Variants in SNAI1 observed in about 807,000 individuals in gnomAD.
SNAI1 encodes the protein snail family transcriptional repressor 1, also known as zinc finger protein SNAI1.
Under a neutral mutation model 24.7 loss-of-function variants are expected in SNAI1, and 15 were observed. The observed-to-expected ratio is 0.61, with a 90% CI of 0.41 to 0.93. SNAI1 has a LOEUF of 0.93. SNAI1 is among the 40% of genes least tolerant of loss of function. SNAI1 has a pLI of 0.00. For synonymous variants in SNAI1, 163 were observed against 142.9 expected (o/e 1.14, Z -1.00); for missense variants, 283 against 336.7 (o/e 0.84, Z 1.25).
Position 49,984,116 on chromosome 20 carries a change from C to T in SNAI1, c.375C>T (p.Ala125=). 1 of 1,614,234 alleles carries T rather than the reference C, an allele frequency of 6.2e-7. No homozygotes were observed. The highest frequency in any genetic ancestry group is 8.5e-7 in the Non-Finnish European group (1 of 1,180,038). The change falls in exon 2 of 3, where the codon GCC becomes GCT. Residue 125 remains alanine, a synonymous_variant. Transcript: ENST00000244050. ...STSVSSLEAE[A]YAAFPGLGQV... is the part of the protein sequence containing the mutation. ...CAGTCTCTTCCTTGGAGGCCGAGGC[C>T]TATGCTGCCTTCCCAGGCTTGGGCC...
At position 49,984,004 on chromosome 20, in the gene SNAI1, T is replaced by C. The variant is rs749239193; in HGVS notation, c.263T>C (p.Leu88Pro). Residue 88 changes from leucine to proline, a missense_variant, in exon 2 of 3, where the codon CTG becomes CCG. Transcript: ENST00000244050. ...CAGGAGAGTCCCAGGGTGGCAGAGC[T>C]GACCTCCCTGTCAGATGAGGACAGT... ...RLQESPRVAE[L>P]TSLSDEDSGK... 7.4e-6 allele frequency: 12 copies of C among 1,613,548 alleles called. No individual in the cohort carries two copies. The East Asian group carries it at 2.7e-4, about 36-fold the overall frequency.
chr20:49,987,715 G>C (rs1021077937), intron 2 of SNAI1, among the ~76,000 whole-genome samples, 157 bp from the exon 3 acceptor site: 1 of 152,146 alleles, frequency 6.6e-6, no homozygotes, highest in Non-Finnish European at 1.5e-5. Context: ...GCTCCGTCAG[G>C]TCCCGGCCTT....
At position 49,988,459 on chromosome 20, in the gene SNAI1, A is replaced by C; in HGVS notation, c.*403A>C. On this transcript the variant is annotated 3_prime_UTR_variant, in exon 3 of 3. Coordinates refer to ENST00000244050, the MANE Select transcript of SNAI1 (RefSeq NM_005985.4). ...CTCCCCTCACACACACCCCCCCACA[A>C]GGAACCCTCAGGCCACCCTCCACGA... 6.1e-6 allele frequency: 1 copy of C among 164,748 alleles called. No individual in the cohort carries two copies. The allele number at this position is 164,748 out of a possible 1,614,324, so 10.2% of individuals were successfully genotyped here.
chr20:49,987,941 T>A lies in SNAI1; in HGVS notation c.680T>A (p.Leu227His). The part of the protein sequence containing the change: ...FADRSNLRAH[L>H]QTHSDVKKYQ... The stretch of plus-strand genomic sequence containing the variant: ...GACCGCTCCAACCTGCGGGCCCACC[T>A]CCAGACCCACTCAGATGTCAAGAAG... The change falls in exon 3 of 3, where the codon CTC (leucine) becomes CAC (histidine). Residue 227 changes from leucine (L) to histidine (H), a missense_variant. Transcript: ENST00000244050. The A allele has an allele frequency of 6.2e-7, 1 of 1,613,928 alleles. No individual in the cohort carries two copies. The highest frequency in any genetic ancestry group is 8.5e-7 in the Non-Finnish European group (1 of 1,179,980).
At position 49,982,985 on chromosome 20, in the gene SNAI1, G is replaced by T. The variant is rs1429944302; in HGVS notation, c.-75G>T. On this transcript the variant is annotated 5_prime_UTR_variant, in exon 1 of 3. Coordinates refer to ENST00000244050, the MANE Select transcript of SNAI1 (RefSeq NM_005985.4). The stretch of plus-strand genomic sequence containing the variant: ...TTGGCGGCGCTGCTGCATTCATTGC[G>T]CCGCGGCACGGCCTAGCGAGTGGTT... 2.3e-6 allele frequency: 2 copies of T among 886,582 alleles called. No individual in the cohort carries two copies. The highest frequency in any genetic ancestry group is 2.1e-5 in the Admixed American group (1 of 47,178). 54.9% of individuals were successfully genotyped at this position (886,582 alleles called of 1,614,324 possible). A position where few individuals can be genotyped will look rare whatever the true frequency, so the allele number is the denominator to read the frequency against.
At chr20:49,987,240 G>A (rs904673324) in intron 2 of SNAI1, among the ~76,000 whole-genome samples, 3 of 151,998 alleles carry the variant, frequency 2.0e-5, no homozygotes, top group Non-Finnish European at 4.4e-5. Flanking sequence ...TGCTGGCCGG[G>A]CCCCAGGAGT....
intron 1 of SNAI1, 114 bp from the exon 2 acceptor site, chr20:49,983,710 A>T: frequency 1.9e-6 from 2 of 1,061,570 alleles, no homozygotes; most frequent in Non-Finnish European, 2.7e-6. Context: ...AATTTTTTTG[A>T]TCTAATTATG....
chr20:49,983,831 C>G lies in SNAI1; in HGVS notation c.90C>G (p.Thr30=). ...CTGCTTTTTCTCCCTCAGAGTTTAC[C>G]TTCCAGCAGCCCTACGACCAGGCCC... ...SELQDSNPEF[T]FQQPYDQAHL... Residue 30 remains threonine (T), a synonymous_variant, in exon 2 of 3, where the codon ACC becomes ACG. Coordinates refer to ENST00000244050, the MANE Select transcript of SNAI1 (RefSeq NM_005985.4). The G allele has an allele frequency of 6.3e-7, 1 of 1,587,204 alleles. No individual in the cohort carries two copies. Among genetic ancestry groups the G allele is most frequent in the Non-Finnish European group, 8.6e-7 (1 of 1,166,512 alleles).
intron 2 of SNAI1, 140 bp from the exon 3 acceptor site, chr20:49,987,732 C>A: frequency 1.3e-6 from 1 of 756,132 alleles, no homozygotes; most frequent in Non-Finnish European, 2.2e-6. Context: ...CCTTTGGACC[C>A]TGGCTGTGTG....
chr20:49,983,589 T>C (rs1265144170), intron 1 of SNAI1, among the ~76,000 whole-genome samples: 1 of 151,582 alleles, frequency 6.6e-6, no homozygotes, highest in Non-Finnish European at 1.5e-5. Flanking sequence ...ACTGGGGACT[T>C]AGGAGAGGGA....
Position 49,984,355 on chromosome 20 carries a change from C to T in SNAI1, c.610+4C>T, listed in dbSNP as rs758317112. ...GGCCATGTCCGGACCCACACTGGTACGTGCCCCTCCAGGCGCCCCCACCGT... is the reference window on the plus strand; with the variant it reads ...GGCCATGTCCGGACCCACACTGGTATGTGCCCCTCCAGGCGCCCCCACCGT... On this transcript the variant is annotated splice_donor_region_variant and intron_variant, in intron 2 of 2. Transcript: ENST00000244050. The T allele has an allele frequency of 1.4e-5, 22 of 1,587,180 alleles. No homozygotes were observed. The highest frequency in any genetic ancestry group is 3.6e-5 in the Admixed American group (2 of 55,428).
rs34261470 is a variant in SNAI1 at position 49,983,938 on chromosome 20, C to T, written c.197C>T (p.Ala66Val). The T allele has an allele frequency of 4.5e-3, 7,205 of 1,613,428 alleles. 260 individuals carry two copies. In the African/African-American group the frequency reaches 0.075, roughly 17 times the overall value. The change falls in exon 2 of 3, where the codon GCG (alanine) becomes GTG (valine). Residue 66 changes from alanine (A) to valine (V), a missense_variant. Ala to Val is a moderately conservative substitution (Grantham distance 64). Coordinates refer to ENST00000244050, the MANE Select transcript of SNAI1 (RefSeq NM_005985.4). ...LPMLIWDSVLAPQAQPIAWAS... is the reference protein window; with the variant it reads ...LPMLIWDSVLVPQAQPIAWAS... ...ATGCTCATCTGGGACTCTGTCCTGGCGCCCCAAGCCCAGCCAATTGCCTGG... is the reference window on the plus strand; with the variant it reads ...ATGCTCATCTGGGACTCTGTCCTGGTGCCCCAAGCCCAGCCAATTGCCTGG...
chr20:49,985,140 AAC>A (rs1250500346), intron 2 of SNAI1, among the ~76,000 whole-genome samples: 2 of 152,324 alleles, frequency 1.3e-5, no homozygotes, highest in Non-Finnish European at 2.9e-5. Context: ...TGGGGCAGAA[AAC>A]ACAATCACGT....
Position 49,983,158 on chromosome 20 carries a change from C to T in SNAI1, c.82+17C>T, listed in dbSNP as rs1046950910. 6.2e-7 allele frequency: 1 copy of T among 1,602,908 alleles called. No individual in the cohort carries two copies. The highest frequency in any genetic ancestry group is 8.5e-7 in the Non-Finnish European group (1 of 1,170,642). Reference sequence around the variant, plus strand: ...CTAATCCAGGTGCGTTGGAGGGGTTCTGGGCTCCAGGAGGTTTGGGGGAGA... The same window carrying T: ...CTAATCCAGGTGCGTTGGAGGGGTTTTGGGCTCCAGGAGGTTTGGGGGAGA... On this transcript the variant is annotated intron_variant, in intron 1 of 2. Coordinates refer to ENST00000244050, the MANE Select transcript of SNAI1 (RefSeq NM_005985.4).
rs1466900593 is a variant in SNAI1, at chr20:49,988,374, G to A, written c.*318G>A. 3 of 262,276 alleles carry A rather than the reference G, an allele frequency of 1.1e-5. No homozygotes were observed. The highest frequency in any genetic ancestry group is 2.2e-5 in the Non-Finnish European group (3 of 137,802). 16.2% of individuals were successfully genotyped at this position (262,276 alleles called of 1,614,324 possible). ...AGCTGTTTGGATACAGCTGCTTTGA[G>A]CTACAGGACAAAGGCTGACAGACTC... is the stretch of plus-strand genomic sequence containing the variant. On this transcript the variant is annotated 3_prime_UTR_variant, in exon 3 of 3. Coordinates refer to ENST00000244050, the MANE Select transcript of SNAI1 (RefSeq NM_005985.4).
chr20:49,987,409 C>A (rs1028334743), intron 2 of SNAI1, among the ~76,000 whole-genome samples: 13 of 152,186 alleles, frequency 8.5e-5, no homozygotes, highest in African/African-American at 3.1e-4. Context: ...TAGGTGAAAT[C>A]AGAGGCTTTG....
Position 49,988,088 on chromosome 20 carries a change from G to A in SNAI1, c.*32G>A. The stretch of plus-strand genomic sequence containing the variant: ...AGGCTCCCTCTTCCTCTCCATACCT[G>A]CCCCTGCCTGACAGCCTTCCCCAGC... On this transcript the variant is annotated 3_prime_UTR_variant, in exon 3 of 3. Transcript: ENST00000244050. 6.5e-7 allele frequency: 1 copy of A among 1,540,470 alleles called. No homozygotes were observed. Among genetic ancestry groups the A allele is most frequent in the African/African-American group, 1.4e-5 (1 of 73,188 alleles).
intron 2 of SNAI1, among the ~76,000 whole-genome samples, chr20:49,987,397 A>G (rs1199611864): frequency 1.3e-5 from 2 of 152,154 alleles, no homozygotes; most frequent in African/African-American, 2.4e-5. Context: ...CAGTAAGGGC[A>G]GTAGGTGAAA....
At chr20:49,987,732 CTGGCTGTGTGTT>C in intron 2 of SNAI1, 128 bp from the exon 3 acceptor site, 1 of 756,132 alleles carries the variant, frequency 1.3e-6, no homozygotes, top group African/African-American at 1.7e-5. Flanking sequence ...CCTTTGGACC[CTGGCTGTGTGTT>C]TGACGGAGGC....
Sources: gnomAD v4.1 joint callset for allele counts (sites outside exome capture counted in the v4.1 genomes callset) on GRCh38, gnomAD v4.1.1 for gene constraint, MANE v1.5 for transcripts, NCBI Gene and HGNC (gene_info 2026-07-23, HGNC 2026-07-21) for gene names.